Variants in CTIF observed in about 807,000 individuals in gnomAD.
The protein encoded by CTIF is cap binding complex dependent translation initiation factor.
Under a neutral mutation model 66.0 loss-of-function variants are expected in CTIF, and 21 were observed. The observed-to-expected ratio is 0.32, with a 90% CI of 0.23 to 0.46. CTIF has a LOEUF of 0.46. CTIF is among the 20% of genes least tolerant of loss of function. The pLI is 1.00. For missense variants in CTIF, 739 were observed against 812.7 expected (o/e 0.91, Z 1.10); for synonymous variants, 345 against 326.4 (o/e 1.06, Z -0.62).
At chr18:48,675,080 G>C (rs1041938347) in intron 6 of CTIF, among the ~76,000 whole-genome samples, 1 of 151,312 alleles carries the variant, frequency 6.6e-6, no homozygotes, top group South Asian at 2.1e-4. Flanking sequence ...GAGATGGGGG[G>C]CAGCAGAAGG....
chr18:48,547,827 G>A (rs146048133), intron 1 of CTIF, among the ~76,000 whole-genome samples: 5 of 152,194 alleles, frequency 3.3e-5, no homozygotes, highest in Admixed American at 1.3e-4. Flanking sequence ...CTGCATAGGC[G>A]CAGTCTGTGA....
chr18:48,673,946 G>A (rs540971310), intron 6 of CTIF, among the ~76,000 whole-genome samples: 1 of 152,304 alleles, frequency 6.6e-6, no homozygotes, highest in East Asian at 1.9e-4. Context: ...AGAAATATCA[G>A]CTCCACTCAG....
chr18:48,638,664 C>T (rs1306741388), intron 3 of CTIF, among the ~76,000 whole-genome samples: 1 of 152,224 alleles, frequency 6.6e-6, no homozygotes, highest in East Asian at 1.9e-4. Context: ...ACCCTAACAC[C>T]GCAAGGAGCA....
chr18:48,763,668 GT>G (rs1172019046), intron 9 of CTIF, among the ~76,000 whole-genome samples: 6 of 152,196 alleles, frequency 3.9e-5, no homozygotes, highest in African/African-American at 1.4e-4. Flanking sequence ...GACCTGATTC[GT>G]TTGTCATCCG....
intron 10 of CTIF, among the ~76,000 whole-genome samples, chr18:48,827,935 C>T (rs559770798): frequency 5.5e-4 from 84 of 152,202 alleles, no homozygotes; most frequent in Non-Finnish European, 9.6e-4. Context: ...CACACGGAAG[C>T]GGCCCCATCT....
At chr18:48,814,623 A>T (rs1468844560) in intron 9 of CTIF, among the ~76,000 whole-genome samples, 1 of 152,238 alleles carries the variant, frequency 6.6e-6, no homozygotes, top group Admixed American at 6.5e-5. Flanking sequence ...GTTCATGAGA[A>T]TGAAACCACC....
intron 1 of CTIF, among the ~76,000 whole-genome samples, chr18:48,598,195 G>C (rs942492091): frequency 6.6e-6 from 1 of 152,202 alleles, no homozygotes; most frequent in Non-Finnish European, 1.5e-5. Context: ...CAGGGCTCCA[G>C]ATTTTTCCTA....
At chr18:48,683,912 C>T (rs2091790665) in intron 6 of CTIF, among the ~76,000 whole-genome samples, 1 of 152,200 alleles carries the variant, frequency 6.6e-6, no homozygotes, top group African/African-American at 2.4e-5. Context: ...CATGGGGGCC[C>T]AGTTGCACCA....
chr18:48,647,446 T>C (rs2091063697), intron 3 of CTIF, among the ~76,000 whole-genome samples: 1 of 152,138 alleles, frequency 6.6e-6, no homozygotes, highest in South Asian at 2.1e-4. Context: ...GGAAGGATCG[T>C]ATTAAGAGGA....
chr18:48,859,461 C>G lies in CTIF; in HGVS notation c.1699C>G (p.Leu567Val). Residue 567 changes from leucine (L) to valine (V), a missense_variant, in exon 12 of 12, where the codon CTC (leucine) becomes GTC (valine). By Grantham distance (32) the Leu-to-Val change is conservative (BLOSUM62 1). Coordinates refer to ENST00000256413, the MANE Select transcript of CTIF (RefSeq NM_014772.3). ...PSESMLTRSL[L>V]LEVIELHANS... ...GGAGTCCATGCTGACCCGGTCGCTG[C>G]TCCTAGAGGTCATCGAGCTCCACGC... 6.2e-7 allele frequency: 1 copy of G among 1,614,198 alleles called. No homozygotes were observed.
At chr18:48,784,213 A>C (rs1279884384) in intron 9 of CTIF, among the ~76,000 whole-genome samples, 1 of 152,222 alleles carries the variant, frequency 6.6e-6, no homozygotes, top group Non-Finnish European at 1.5e-5. Flanking sequence ...CCGAGCATCG[A>C]GAGGAGAGAG....
chr18:48,787,742 G>A (rs1336577344), intron 9 of CTIF, among the ~76,000 whole-genome samples: 5 of 152,200 alleles, frequency 3.3e-5, no homozygotes, highest in Non-Finnish European at 7.3e-5. Flanking sequence ...TCTTCCAAAG[G>A]GTGGTTTGCA....
chr18:48,830,778 A>G (rs937851767), intron 10 of CTIF, among the ~76,000 whole-genome samples: 1 of 101,514 alleles, frequency 9.9e-6, no homozygotes, highest in Admixed American at 1.1e-4. Context: ...CACTGTCCCC[A>G]GCCTGACTGC....
chr18:48,794,345 G>A (rs1454036188), intron 9 of CTIF, among the ~76,000 whole-genome samples: 1 of 152,234 alleles, frequency 6.6e-6, no homozygotes, highest in Non-Finnish European at 1.5e-5. Context: ...GTTCGGCACA[G>A]CAGTGCTGGA....
Position 48,803,776 on chromosome 18 carries a change from G to C in CTIF, c.1372-13445G>C, listed in dbSNP as rs192799856. On this transcript the variant is annotated intron_variant, in intron 9 of 11. Coordinates refer to ENST00000256413, the MANE Select transcript of CTIF (RefSeq NM_014772.3). The stretch of plus-strand genomic sequence containing the variant: ...ATTTGAGGGTTTGACATTTGGGGAG[G>C]GGGGGCTCTGTCTTCCTTTTGGCTC... Among the ~76,000 whole-genome samples, 9 of 152,304 alleles carry C rather than the reference G, an allele frequency of 5.9e-5. No individual in the cohort carries two copies. The East Asian group carries it at 9.6e-4, about 16-fold the overall frequency.
intron 9 of CTIF, among the ~76,000 whole-genome samples, chr18:48,807,586 T>TTG (rs1263363829): frequency 9.0e-6 from 1 of 111,498 alleles, no homozygotes; most frequent in Non-Finnish European, 1.9e-5. Context: ...TTGTGTTTTT[T>TTG]TTTTTTTTTT....
At chr18:48,842,426 T>C (rs981297473) in intron 10 of CTIF, among the ~76,000 whole-genome samples, 1 of 152,126 alleles carries the variant, frequency 6.6e-6, no homozygotes, top group Admixed American at 6.5e-5. Flanking sequence ...TACGGGAATA[T>C]ATTATAGAAG....
chr18:48,638,197 T>A (rs991117342), intron 3 of CTIF, among the ~76,000 whole-genome samples: 1 of 152,122 alleles, frequency 6.6e-6, no homozygotes, highest in African/African-American at 2.4e-5. Context: ...AAAAGGAGAT[T>A]CCCCTCACTC....
At chr18:48,717,402 A>AAAATAAATAAAT (rs145983579) in intron 7 of CTIF, among the ~76,000 whole-genome samples, 36 of 144,932 alleles carry the variant, frequency 2.5e-4, no homozygotes, top group East Asian at 6.1e-4. Context: ...CTGTCTTTAA[A>AAAATAAATAAAT]AAATAAATAA....
Sources: gnomAD v4.1 joint callset for allele counts (sites outside exome capture counted in the v4.1 genomes callset) on GRCh38, gnomAD v4.1.1 for gene constraint, MANE v1.5 for transcripts, NCBI Gene and HGNC (gene_info 2026-07-23, HGNC 2026-07-21) for gene names.